Variants in GPAT4 observed in about 807,000 individuals in gnomAD.
GPAT4 encodes the protein glycerol-3-phosphate acyltransferase 4.
GPAT4 carries 17 observed loss-of-function variants against 58.0 expected under a neutral mutation model. The ratio of observed to expected loss-of-function variants is 0.29; its 90% confidence interval spans 0.20 to 0.44. GPAT4 has a LOEUF of 0.44. Among genes scored for constraint, GPAT4 ranks in the 20% least tolerant of loss-of-function variants. The pLI, the probability that GPAT4 is intolerant of heterozygous loss-of-function variation, is 1.00. For missense variants in GPAT4, 377 were observed against 574.5 expected, an observed-to-expected ratio of 0.66 and a Z score of 3.51; for synonymous variants, 204 against 210.1, an observed-to-expected ratio of 0.97 and a Z score of 0.25.
intron 10 of GPAT4, among the ~76,000 whole-genome samples, chr8:41,617,960 A>G (rs1803643002): frequency 6.6e-6 from 1 of 152,112 alleles, no homozygotes. Flanking sequence ...CCCTCCAGCT[A>G]CTTGTTTGGT....
At position 41,621,071 on chromosome 8, in the gene GPAT4, G is replaced by C; in HGVS notation, c.*70G>C. 1.3e-6 allele frequency: 2 copies of C among 1,536,592 alleles called. No homozygotes were observed. The highest frequency in any genetic ancestry group is 2.0e-5 in the Admixed American group (1 of 50,610). On this transcript the variant is annotated 3_prime_UTR_variant, in exon 13 of 13. Coordinates refer to ENST00000396987, the MANE Select transcript of GPAT4 (RefSeq NM_178819.4). The stretch of plus-strand genomic sequence containing the variant: ...GCTCAGAGCTGGAGTTGCCGCCGCC[G>C]CCCCCACTGCTGTGTCCTTTCCAGA...
chr8:41,621,017 G>A lies in GPAT4; in HGVS notation c.*16G>A, dbSNP rs1390267871. ...CCGCTCCTGAGCCTGCCTCCAGCTG[G>A]CTGGGGCCACCGTGCGGGGTGCCAA... is the stretch of plus-strand genomic sequence containing the variant. On this transcript the variant is annotated 3_prime_UTR_variant, in exon 13 of 13. Coordinates refer to ENST00000396987, the MANE Select transcript of GPAT4 (RefSeq NM_178819.4). 6.4e-7 allele frequency: 1 copy of A among 1,550,578 alleles called. No homozygotes were observed. Among genetic ancestry groups the A allele is most frequent in the Non-Finnish European group, 8.7e-7 (1 of 1,146,976 alleles).
intron 1 of GPAT4, among the ~76,000 whole-genome samples, chr8:41,593,626 G>A (rs1249786047): frequency 3.3e-5 from 5 of 152,036 alleles, no homozygotes; most frequent in Non-Finnish European, 5.9e-5. Flanking sequence ...TTTGCTGTAC[G>A]AACAGCAGTC....
intron 2 of GPAT4, among the ~76,000 whole-genome samples, chr8:41,601,080 C>T (rs534641977): frequency 2.0e-5 from 3 of 152,050 alleles, no homozygotes; most frequent in Non-Finnish European, 2.9e-5. Context: ...TGTGGACCTG[C>T]GTGTACGTGC....
intron 1 of GPAT4, among the ~76,000 whole-genome samples, chr8:41,580,606 G>A (rs1324196743): frequency 1.3e-5 from 2 of 152,206 alleles, no homozygotes; most frequent in Non-Finnish European, 2.9e-5. Flanking sequence ...AAGTCCTCAT[G>A]TTAGGGGTCT....
intron 2 of GPAT4, among the ~76,000 whole-genome samples, chr8:41,609,068 C>T (rs575158340): frequency 1.2e-4 from 19 of 152,302 alleles, no homozygotes; most frequent in African/African-American, 2.6e-4. Context: ...GAGTAGCTGC[C>T]GTGCGGCAGT....
chr8:41,609,297 T>C, intron 2 of GPAT4, 119 bp from the exon 3 acceptor site: 1 of 1,060,598 alleles, frequency 9.4e-7, no homozygotes, highest in East Asian at 2.6e-5. Context: ...ACTATGTGCT[T>C]CTTGGCTACG....
At chr8:41,618,467 G>T in intron 10 of GPAT4, 1 of 607,008 alleles carries the variant, frequency 1.6e-6, no homozygotes, top group Non-Finnish European at 2.9e-6. Context: ...CTTCCTTACT[G>T]ATCTGTAGCA....
At chr8:41,581,795 A>AT (rs1226902445) in intron 1 of GPAT4, among the ~76,000 whole-genome samples, 211 of 145,294 alleles carry the variant, frequency 1.5e-3, no homozygotes, top group African/African-American at 4.9e-3. Flanking sequence ...CGCCCGGCTA[A>AT]TTTTTTTTTT....
At chr8:41,611,834 G>A in intron 5 of GPAT4, 69 bp from the exon 6 acceptor site, 6 of 1,469,926 alleles carry the variant, frequency 4.1e-6, no homozygotes, top group Non-Finnish European at 5.7e-6. Context: ...CTGAGCTGTT[G>A]AAGTCAGTAA....
chr8:41,582,816 G>A (rs1003576627), intron 1 of GPAT4, among the ~76,000 whole-genome samples: 1 of 152,096 alleles, frequency 6.6e-6, no homozygotes, highest in African/African-American at 2.4e-5. Context: ...TGCCCACATG[G>A]ATAGAATGTG....
chr8:41,608,352 C>T (rs1226117888), intron 2 of GPAT4, among the ~76,000 whole-genome samples: 1 of 152,262 alleles, frequency 6.6e-6, no homozygotes, highest in Non-Finnish European at 1.5e-5. Context: ...GGGCTCGTGC[C>T]CACTGTGCAT....
chr8:41,613,246 A>C (rs957174242), intron 8 of GPAT4, among the ~76,000 whole-genome samples: 8 of 152,058 alleles, frequency 5.3e-5, no homozygotes, highest in African/African-American at 1.7e-4. Flanking sequence ...AAATGCAAAA[A>C]TTATTGACGG....
At chr8:41,607,957 C>G (rs1446865570) in intron 2 of GPAT4, among the ~76,000 whole-genome samples, 1 of 152,210 alleles carries the variant, frequency 6.6e-6, no homozygotes, top group Non-Finnish European at 1.5e-5. Context: ...TCTCTTGCCC[C>G]TTTTCACCTC....
intron 2 of GPAT4, among the ~76,000 whole-genome samples, chr8:41,608,310 G>T (rs1339334013): frequency 6.6e-6 from 1 of 152,230 alleles, no homozygotes; most frequent in Admixed American, 6.5e-5. Flanking sequence ...TGTGCCCTGG[G>T]CCACGTGCAT....
At position 41,612,984 on chromosome 8, in the gene GPAT4, C is replaced by G. The variant is rs149518719; in HGVS notation, c.911+24C>G. 519 of 1,603,424 alleles carry G rather than the reference C, an allele frequency of 3.2e-4. 5 individuals carry two copies. The East Asian group carries it at 0.011, about 35-fold the overall frequency. The stretch of plus-strand genomic sequence containing the variant: ...AGGTAATGGACAGAACACTGCTGTT[C>G]TGCTTGGCCAGTTAGAATGCTGAAA... On this transcript the variant is annotated intron_variant, in intron 8 of 12. Transcript: ENST00000396987.
Position 41,609,504 on chromosome 8 carries a change from C to G in GPAT4, c.235+19C>G. 6.2e-7 allele frequency: 1 copy of G among 1,613,512 alleles called. No homozygotes were observed. Among genetic ancestry groups the G allele is most frequent in the Admixed American group, 1.7e-5 (1 of 60,012 alleles). On this transcript the variant is annotated intron_variant, in intron 3 of 12. Transcript: ENST00000396987. ...ACCAACGGTAAGATGGGGGTGTGAT[C>G]CTTGTCCTGAGAGGTCCATTTGAAC...
At chr8:41,611,088 C>T (rs111283188) in intron 5 of GPAT4, among the ~76,000 whole-genome samples, 3 of 152,062 alleles carry the variant, frequency 2.0e-5, no homozygotes, top group Non-Finnish European at 4.4e-5. Context: ...TAGCCAGGCA[C>T]GGTGGCGGGT....
Position 41,623,517 on chromosome 8 carries a change from A to T in GPAT4, c.*2516A>T, listed in dbSNP as rs890221. The stretch of plus-strand genomic sequence containing the variant: ...TTCACTTCTCTGCATCCGTCTCCTG[A>T]GTCATAACTAGGGACTTGGCTAGAT... On this transcript the variant is annotated 3_prime_UTR_variant, in exon 13 of 13. Coordinates refer to ENST00000396987, the MANE Select transcript of GPAT4 (RefSeq NM_178819.4). 44,347 of 152,046 alleles carry T rather than the reference A, an allele frequency of 0.29. 6,626 individuals carry two copies. Among genetic ancestry groups the T allele is most frequent in the Middle Eastern group, 0.41 (119 of 292 alleles). The allele number at this position is 152,046 out of a possible 1,614,324, so 9.4% of individuals were successfully genotyped here.
Sources: gnomAD v4.1 joint callset for allele counts (sites outside exome capture counted in the v4.1 genomes callset) on GRCh38, gnomAD v4.1.1 for gene constraint, MANE v1.5 for transcripts, NCBI Gene and HGNC (gene_info 2026-07-23, HGNC 2026-07-21) for gene names.